The following ATOSA variants were observed in gnomAD, a reference collection of about 807,000 sequenced individuals.
ATOSA encodes the protein atos homolog protein A.
At chr15:52,611,491 A>G in the ATOSA span, 1 of 1,405,494 alleles carries the variant, frequency 7.1e-7, no homozygotes, top group Admixed American at 2.0e-5. Context: ...GAATTCAAAG[A>G]CATGATACAT....
chr15:52,682,250 C>G, the ATOSA span, among the ~76,000 whole-genome samples: 1 of 151,824 alleles, frequency 6.6e-6, no homozygotes, highest in East Asian at 1.9e-4. Context: ...ATAGTAGGAA[C>G]CCATTGTGGG....
chr15:52,642,945 G>A, the ATOSA span, among the ~76,000 whole-genome samples: 2 of 151,958 alleles, frequency 1.3e-5, no homozygotes, highest in Admixed American at 1.3e-4. Context: ...TGGGATTACT[G>A]GTGTGAGCCT....
At chr15:52,691,257 A>G in the ATOSA span, among the ~76,000 whole-genome samples, 1 of 152,180 alleles carries the variant, frequency 6.6e-6, no homozygotes, top group Non-Finnish European at 1.5e-5. Context: ...CAAATCCCTA[A>G]ACACCTGAAC....
At chr15:52,589,456 A>G in the ATOSA span, among the ~76,000 whole-genome samples, 2 of 152,232 alleles carry the variant, frequency 1.3e-5, no homozygotes, top group African/African-American at 4.8e-5. Context: ...AAAACTGGTA[A>G]GGCAACTACT....
At chr15:52,669,481 A>C in the ATOSA span, among the ~76,000 whole-genome samples, 1 of 152,154 alleles carries the variant, frequency 6.6e-6, no homozygotes, top group African/African-American at 2.4e-5. Context: ...TCTCTCACAA[A>C]CCATGATCTC....
chr15:52,652,073 G>C, the ATOSA span: 3 of 1,446,756 alleles, frequency 2.1e-6, no homozygotes, highest in Admixed American at 7.9e-5. Flanking sequence ...GAGTAAGAGC[G>C]CACATAGCAA....
chr15:52,601,493 T>A, the ATOSA span, among the ~76,000 whole-genome samples: 1 of 151,538 alleles, frequency 6.6e-6, no homozygotes, highest in Admixed American at 6.6e-5. Context: ...CTTCTCTATT[T>A]TTTTGGGAGG....
At chr15:52,608,993 A>G in the ATOSA span, 7 of 1,612,608 alleles carry the variant, frequency 4.3e-6, no homozygotes, top group African/African-American at 8.0e-5. Flanking sequence ...CAATTTGAAT[A>G]CTGTTTATCA....
At chr15:52,684,247 AT>A in the ATOSA span, among the ~76,000 whole-genome samples, 1 of 152,146 alleles carries the variant, frequency 6.6e-6, no homozygotes. Context: ...TTAAATATAA[AT>A]TTTCAGCTGG....
the ATOSA span, among the ~76,000 whole-genome samples, chr15:52,666,678 T>C: frequency 6.6e-6 from 1 of 152,212 alleles, no homozygotes; most frequent in Admixed American, 6.5e-5. Context: ...CAAGTGTTCA[T>C]TCAACACTAA....
chr15:52,684,787 A>C, the ATOSA span, among the ~76,000 whole-genome samples: 1 of 152,064 alleles, frequency 6.6e-6, no homozygotes, highest in Non-Finnish European at 1.5e-5. Flanking sequence ...CTCAGGCTGG[A>C]GTACAGTGGT....
the ATOSA span, chr15:52,656,459 T>G: frequency 1.2e-4 from 19 of 152,184 alleles, no homozygotes; most frequent in Admixed American, 8.5e-4. Context: ...CAAAATATAC[T>G]GTTTTAAGAG....
At chr15:52,609,674 C>T in the ATOSA span, 5 of 1,613,644 alleles carry the variant, frequency 3.1e-6, no homozygotes, top group Non-Finnish European at 4.2e-6. Flanking sequence ...TTCTCATTTT[C>T]TTGTGAAACC....
chr15:52,623,347 TA>T, the ATOSA span, among the ~76,000 whole-genome samples: 2 of 152,070 alleles, frequency 1.3e-5, no homozygotes, highest in Non-Finnish European at 2.9e-5. Context: ...GATAAAAGAA[TA>T]GGGGGAAAGA....
At chr15:52,599,229 T>C in the ATOSA span, among the ~76,000 whole-genome samples, 1 of 152,118 alleles carries the variant, frequency 6.6e-6, no homozygotes, top group African/African-American at 2.4e-5. Flanking sequence ...GCAAGAAAAA[T>C]AATTTCTTGT....
chr15:52,625,952 G>T, the ATOSA span, among the ~76,000 whole-genome samples: 1 of 152,164 alleles, frequency 6.6e-6, no homozygotes, highest in Non-Finnish European at 1.5e-5. Flanking sequence ...TCTTTCCTCA[G>T]TATTTCACCT....
chr15:52,672,802 A>T, the ATOSA span, among the ~76,000 whole-genome samples: 1 of 152,300 alleles, frequency 6.6e-6, no homozygotes, highest in South Asian at 2.1e-4. Flanking sequence ...TCTTCAAAGA[A>T]ATGACAGGGT....
chr15:52,660,507 T>A, the ATOSA span, among the ~76,000 whole-genome samples: 1 of 152,238 alleles, frequency 6.6e-6, no homozygotes, highest in East Asian at 1.9e-4. Flanking sequence ...GGACTTCTCC[T>A]TGCTCTCACT....
At chr15:52,637,262 T>A in the ATOSA span, among the ~76,000 whole-genome samples, 2 of 152,046 alleles carry the variant, frequency 1.3e-5, no homozygotes, top group Non-Finnish European at 2.9e-5. Flanking sequence ...AAAGAAATCT[T>A]CTGTTCTATG....
Sources: allele counts gnomAD v4.1 joint callset (sites outside exome capture counted in the v4.1 genomes callset), GRCh38; gene constraint gnomAD v4.1.1; transcripts MANE v1.5; gene names NCBI Gene and HGNC (gene_info 2026-07-23, HGNC 2026-07-21).